Variants in TSR1 observed in about 807,000 individuals in gnomAD.
The protein encoded by TSR1 is pre-rRNA-processing protein TSR1 homolog.
In TSR1, 81 loss-of-function variants were observed where a neutral mutation model predicts 90.9. The observed-to-expected ratio is 0.89, with a 90% CI of 0.74 to 1.07. The LOEUF is 1.07. Among genes scored for constraint, TSR1 ranks in the 50% least tolerant of loss-of-function variants. The pLI is 0.00. For missense variants in TSR1, 989 were observed against 987.3 expected (o/e 1.00, Z -0.02); for synonymous variants, 362 against 348.8 (o/e 1.04, Z -0.42).
At chr17:2,332,485 G>T in intron 7 of TSR1, 126 bp from the exon 8 acceptor site, 1 of 819,416 alleles carries the variant, frequency 1.2e-6, no homozygotes, top group Non-Finnish European at 1.9e-6. Flanking sequence ...TTCTAATACA[G>T]TCTAAAGTAT....
chr17:2,333,695 C>A lies in TSR1; in HGVS notation c.1003G>T (p.Asp335Tyr). The A allele has an allele frequency of 1.2e-6, 2 of 1,614,130 alleles. No individual in the cohort carries two copies. The highest frequency in any genetic ancestry group is 2.2e-5 in the East Asian group (1 of 44,882). Reference sequence around the variant, plus strand: ...ACTTTAAGACCTTCTTCCATATCATCTACAGCATCCGTAGCACAAATCTGA... The same window carrying A: ...ACTTTAAGACCTTCTTCCATATCATATACAGCATCCGTAGCACAAATCTGA... The part of the protein sequence containing the change: ...AMEICATDAV[D>Y]DMEEGLKVLM... Residue 335 changes from aspartate (D) to tyrosine (Y), a missense_variant, in exon 6 of 15, where the codon GAT (aspartate) becomes TAT (tyrosine). By Grantham distance (160) the Asp-to-Tyr change is radical (BLOSUM62 -3). Transcript: ENST00000301364.
chr17:2,333,482 C>T, intron 6 of TSR1, 75 bp downstream of exon 6: 1 of 1,581,794 alleles, frequency 6.3e-7, no homozygotes, highest in Non-Finnish European at 8.7e-7. Context: ...TCCTATAGGG[C>T]CCTCACTTGG....
chr17:2,334,223 A>G (rs1232068453), intron 5 of TSR1, among the ~76,000 whole-genome samples: 5 of 152,208 alleles, frequency 3.3e-5, no homozygotes, highest in African/African-American at 9.7e-5. Flanking sequence ...TTCCAGCCCA[A>G]TTAAGTCCCT....
chr17:2,334,814 C>A lies in TSR1; in HGVS notation c.639G>T (p.Lys213Asn), dbSNP rs139020440. The change falls in exon 5 of 15, where the codon AAG (lysine) becomes AAT (asparagine). Residue 213 changes from lysine to asparagine, a missense_variant. By Grantham distance (94) the Lys-to-Asn change is moderately conservative (BLOSUM62 0). Transcript: ENST00000301364. ...TRKKLSKAVE[K>N]RFPHDKLLLL... ...AGAGGAGTTTGTCATGCGGAAAGCG[C>A]TTCTCCACTGCTTTACTTAGCTTCT... 49 of 1,614,248 alleles carry A rather than the reference C, an allele frequency of 3.0e-5. 1 individual carries two copies. In the East Asian group the frequency reaches 9.4e-4, roughly 31 times the overall value.
Position 2,334,912 on chromosome 17 carries a change from A to T in TSR1, c.557-16T>A. ...ACAGCTAGTGCTGTAAGCGAAAGAG[A>T]AAACGCTTCATGACCTACTGCTTCA... On this transcript the variant is annotated splice_polypyrimidine_tract_variant and intron_variant, in intron 4 of 14. Transcript: ENST00000301364. 8.1e-6 allele frequency: 13 copies of T among 1,598,572 alleles called. No individual in the cohort carries two copies. The highest frequency in any genetic ancestry group is 1.1e-5 in the Non-Finnish European group (13 of 1,173,620).
In TSR1 at chr17:2,331,099, A is replaced by G. The variant is rs1379711629; in HGVS notation, c.1507T>C (p.Tyr503His). The stretch of plus-strand genomic sequence containing the variant: ...GTCCGGAAGCTCTTAAGGCCTCTGT[A>G]TTTCTGAAATCTAGAATATTGAAGA... Reference protein sequence around the residue: ...DVAARIRFQKYRGLKSFRTSP... With the variant: ...DVAARIRFQKHRGLKSFRTSP... The change falls in exon 9 of 15, where the codon TAC becomes CAC. Residue 503 changes from tyrosine to histidine, a missense_variant. Transcript: ENST00000301364. The G allele has an allele frequency of 1.3e-6, 2 of 1,579,146 alleles. No individual in the cohort carries two copies.
intron 10 of TSR1, 32 bp downstream of exon 10, chr17:2,330,483 A>T: frequency 6.3e-7 from 1 of 1,594,518 alleles, no homozygotes; most frequent in Non-Finnish European, 8.6e-7. Flanking sequence ...AAGTTTCACA[A>T]CCCCCCATTT....
In TSR1 at chr17:2,323,515, A is replaced by G; in HGVS notation, c.*681T>C. 8.7e-7 allele frequency: 1 copy of G among 1,152,526 alleles called. No homozygotes were observed. The highest frequency in any genetic ancestry group is 1.2e-6 in the Non-Finnish European group (1 of 808,660). The allele number at this position is 1,152,526 out of a possible 1,614,324, so 71.4% of individuals were successfully genotyped here. On this transcript the variant is annotated 3_prime_UTR_variant, in exon 15 of 15. Coordinates refer to ENST00000301364, the MANE Select transcript of TSR1 (RefSeq NM_018128.5). ...CAACCCTCTTGACAGAAGCAGAGTC[A>G]GAATTAAAGAAAAGCTTTGGGAAGC... is the stretch of plus-strand genomic sequence containing the variant.
At chr17:2,330,493 T>C (rs2151440806) in intron 10 of TSR1, 22 bp downstream of exon 10, 1 of 1,606,402 alleles carries the variant, frequency 6.2e-7, no homozygotes, top group East Asian at 2.2e-5. Flanking sequence ...ACCCCCCATT[T>C]TCCCACAAGA....
chr17:2,327,321 G>C (rs1468387099), intron 11 of TSR1, among the ~76,000 whole-genome samples: 2 of 151,552 alleles, frequency 1.3e-5, no homozygotes, highest in African/African-American at 2.4e-5. Flanking sequence ...GGAGGCTGAG[G>C]CGCCAGAATC....
rs530430192 is a variant in TSR1, at chr17:2,322,855, C to T, written c.*1341G>A. 1.8e-4 allele frequency: 69 copies of T among 390,804 alleles called. No individual in the cohort carries two copies. The highest frequency in any genetic ancestry group is 1.3e-3 in the African/African-American group (65 of 48,500). 24.2% of individuals were successfully genotyped at this position (390,804 alleles called of 1,614,324 possible). On this transcript the variant is annotated 3_prime_UTR_variant, in exon 15 of 15. Transcript: ENST00000301364. ...TCTCAGCTCACTGCAACCTACCCCT[C>T]CCAAGTTCAAGTGATTCTCCTACCT...
In TSR1 at chr17:2,323,163, G is replaced by T. The variant is rs757541456; in HGVS notation, c.*1033C>A. 6.2e-7 allele frequency: 1 copy of T among 1,614,210 alleles called. No homozygotes were observed. Among genetic ancestry groups the T allele is most frequent in the South Asian group, 1.1e-5 (1 of 91,082 alleles). On this transcript the variant is annotated 3_prime_UTR_variant, in exon 15 of 15. Transcript: ENST00000301364. ...TCTGAAACCTAGTGTGAAGGTATAT[G>T]CTGCTGAACCCTCAAATGCAGATGA...
rs112894040 is a variant in TSR1 at position 2,336,046 on chromosome 17, C to T, written c.192G>A (p.Lys64=). 10 of 1,614,118 alleles carry T rather than the reference C, an allele frequency of 6.2e-6. No individual in the cohort carries two copies. Among genetic ancestry groups the T allele is most frequent in the Non-Finnish European group, 5.9e-6 (7 of 1,180,044 alleles). ...ATCCCGCTCCTCTCACCGCCTCCTTCTTCTGCTTTCGGAGCTGGCTGGCGC... is the reference window on the plus strand; with the variant it reads ...ATCCCGCTCCTCTCACCGCCTCCTTTTTCTGCTTTCGGAGCTGGCTGGCGC... ...RHRASQLRKQ[K]KEAVLAEKRQ... The change falls in exon 2 of 15, where the codon AAG becomes AAA. Residue 64 remains lysine, a synonymous_variant. Coordinates refer to ENST00000301364, the MANE Select transcript of TSR1 (RefSeq NM_018128.5).
rs1316554056 is a variant in TSR1, at chr17:2,324,210, C to G, written c.2401G>C (p.Gly801Arg). Residue 801 changes from glycine (G) to arginine (R), a missense_variant, in exon 15 of 15, where the codon GGG (glycine) becomes CGG (arginine). Gly to Arg is a moderately radical substitution (Grantham distance 125). Coordinates refer to ENST00000301364, the MANE Select transcript of TSR1 (RefSeq NM_018128.5). ...CTTTGAATCCATTACTCCATGCCCCCTTGAGGCACTGTTGAAGAAATCTCA... is the reference window on the plus strand; with the variant it reads ...CTTTGAATCCATTACTCCATGCCCCGTTGAGGCACTGTTGAAGAAATCTCA... ...KSEISSTVPQ[G>R]GME The G allele has an allele frequency of 6.6e-7, 1 of 1,523,304 alleles. No homozygotes were observed. The highest frequency in any genetic ancestry group is 8.8e-7 in the Non-Finnish European group (1 of 1,140,598). The allele number at this position is 1,523,304 out of a possible 1,614,324, so 94.4% of individuals were successfully genotyped here. A position where few individuals can be genotyped will look rare whatever the true frequency, so the allele number is the denominator to read the frequency against.
At chr17:2,324,441 C>T (rs2075561618) in intron 14 of TSR1, 63 bp downstream of exon 14, 1 of 1,611,532 alleles carries the variant, frequency 6.2e-7, no homozygotes, top group African/African-American at 1.3e-5. Context: ...GACTTCCAAC[C>T]CAACAGTCAT....
chr17:2,330,212 C>T (rs1002427752), intron 10 of TSR1: 12 of 515,422 alleles, frequency 2.3e-5, no homozygotes, highest in African/African-American at 9.6e-5. Flanking sequence ...TGAGCCGCCG[C>T]GCCCAGCCAA....
In TSR1 at chr17:2,331,029, C is replaced by A; in HGVS notation, c.1577G>T (p.Arg526Leu). The A allele has an allele frequency of 6.2e-7, 1 of 1,612,566 alleles. No individual in the cohort carries two copies. Among genetic ancestry groups the A allele is most frequent in the Non-Finnish European group, 8.5e-7 (1 of 1,179,638 alleles). The stretch of plus-strand genomic sequence containing the variant: ...AGTAAAGTTCTGAAACTGAAATATT[C>A]GAGCATAATCTTGAGGAAGGTTTTC... ...PKENLPQDYA[R>L]IFQFQNFTNT... Residue 526 changes from arginine (R) to leucine (L), a missense_variant, in exon 9 of 15, where the codon CGA (arginine) becomes CTA (leucine). Physicochemically the swap from Arg to Leu is moderately radical, Grantham distance 102. Coordinates refer to ENST00000301364, the MANE Select transcript of TSR1 (RefSeq NM_018128.5).
chr17:2,334,707 C>T lies in TSR1; in HGVS notation c.746G>A (p.Arg249Gln), dbSNP rs375265013. The T allele has an allele frequency of 3.5e-5, 56 of 1,613,636 alleles. No individual in the cohort carries two copies. Among genetic ancestry groups the T allele is most frequent in the African/African-American group, 2.7e-4 (20 of 74,928 alleles). Reference sequence around the variant, plus strand: ...AGCATGGGCAAATAGGTAGGCCCGCCGATCTCGAAAAGCAAGATGCTGTTG... The same window carrying T: ...AGCATGGGCAAATAGGTAGGCCCGCTGATCTCGAAAAGCAAGATGCTGTTG... ...QKQQHLAFRD[R>Q]RAYLFAHAVD... Residue 249 changes from arginine (R) to glutamine (Q), a missense_variant, in exon 5 of 15, where the codon CGG becomes CAG. By Grantham distance (43) the Arg-to-Gln change is conservative. Coordinates refer to ENST00000301364, the MANE Select transcript of TSR1 (RefSeq NM_018128.5).
intron 10 of TSR1, 90 bp downstream of exon 10, chr17:2,330,425 A>AT: frequency 8.2e-7 from 1 of 1,223,324 alleles, no homozygotes; most frequent in African/African-American, 1.5e-5. Flanking sequence ...AATGAGCAAA[A>AT]TTTTAGTCAC....
Sources: gnomAD v4.1 joint callset for allele counts (sites outside exome capture counted in the v4.1 genomes callset) on GRCh38, gnomAD v4.1.1 for gene constraint, MANE v1.5 for transcripts, NCBI Gene and HGNC (gene_info 2026-07-23, HGNC 2026-07-21) for gene names.